Variants in BSPRY observed in about 807,000 individuals in gnomAD.
The protein encoded by BSPRY is B-box and SPRY domain containing.
In BSPRY, 33 loss-of-function variants were observed where a neutral mutation model predicts 38.0. That is an observed-to-expected ratio of 0.87 (90% CI 0.66 to 1.16). The LOEUF (loss-of-function observed/expected upper bound fraction) is 1.16. Among genes scored for constraint, BSPRY ranks in the 50% most tolerant of loss-of-function variants. BSPRY has a pLI of 0.00. For synonymous variants in BSPRY, 224 were observed against 228.5 expected, an observed-to-expected ratio of 0.98 and a Z score of 0.18; for missense variants, 523 against 533.2, an observed-to-expected ratio of 0.98 and a Z score of 0.19.
intron 2 of BSPRY, among the ~76,000 whole-genome samples, chr9:113,356,250 A>T (rs1206871170): frequency 1.3e-5 from 2 of 152,194 alleles, no homozygotes; most frequent in South Asian, 2.1e-4. Context: ...CATGCCTGTA[A>T]TCCCAGCACT....
Position 113,354,194 on chromosome 9 carries a change from C to T in BSPRY, c.202-46C>T, listed in dbSNP as rs189648342. 44 of 1,516,398 alleles carry T rather than the reference C, an allele frequency of 2.9e-5. No homozygotes were observed. The Admixed American group carries it at 7.0e-4, about 24-fold the overall frequency. 93.9% of individuals were successfully genotyped at this position (1,516,398 alleles called of 1,614,324 possible). The stretch of plus-strand genomic sequence containing the variant: ...AAAATCACTGGGATGGAGTGAATGG[C>T]TCAGGTACATGGACCAAGATGCCAC... On this transcript the variant is annotated intron_variant, in intron 1 of 5. Transcript: ENST00000374183.
rs200697650 is a variant in BSPRY, at chr9:113,360,576, G to A, written c.370G>A (p.Glu124Lys). 11 of 1,608,770 alleles carry A rather than the reference G, an allele frequency of 6.8e-6. No individual in the cohort carries two copies. Among genetic ancestry groups the A allele is most frequent in the African/African-American group, 4.0e-5 (3 of 74,986 alleles). The change falls in exon 3 of 6, where the codon GAG becomes AAG. Residue 124 changes from glutamate (E) to lysine (K), a missense_variant. Coordinates refer to ENST00000374183, the MANE Select transcript of BSPRY (RefSeq NM_017688.3). ...TCTGGTGAGGAGTCTTTGCGAGAGCGAGGAGCAGCGGTTACTGGAACAGGT... is the reference window on the plus strand; with the variant it reads ...TCTGGTGAGGAGTCTTTGCGAGAGCAAGGAGCAGCGGTTACTGGAACAGGT... The part of the protein sequence containing the change: ...LSLVRSLCES[E>K]EQRLLEQVHG...
At chr9:113,365,093 TTCA>T (rs1834226570) in intron 4 of BSPRY, among the ~76,000 whole-genome samples, 1 of 152,214 alleles carries the variant, frequency 6.6e-6, no homozygotes, top group Admixed American at 6.5e-5. Context: ...CTGTCTTCAG[TTCA>T]TCATATCTGG....
chr9:113,353,405 T>G (rs773838047), intron 1 of BSPRY, among the ~76,000 whole-genome samples: 1 of 150,238 alleles, frequency 6.7e-6, no homozygotes, highest in Non-Finnish European at 1.5e-5. Flanking sequence ...ATAAATAAAT[T>G]TAAAAAGAAA....
At position 113,360,765 on chromosome 9, in the gene BSPRY, C is replaced by T. The variant is rs1013379251; in HGVS notation, c.531+28C>T. 6 of 1,523,960 alleles carry T rather than the reference C, an allele frequency of 3.9e-6. No individual in the cohort carries two copies. In the African/African-American group the frequency reaches 8.3e-5, roughly 21 times the overall value. The allele number at this position is 1,523,960 out of a possible 1,614,324, so 94.4% of individuals were successfully genotyped here. On this transcript the variant is annotated intron_variant, in intron 3 of 5. Coordinates refer to ENST00000374183, the MANE Select transcript of BSPRY (RefSeq NM_017688.3). Reference sequence around the variant, plus strand: ...AAGTCAGGCAAGGGTGAGGGCATGACCAGTTGGCCAGGCTCCCCAAAAGCC... The same window carrying T: ...AAGTCAGGCAAGGGTGAGGGCATGATCAGTTGGCCAGGCTCCCCAAAAGCC...
chr9:113,366,461 C>T (rs1834254275), intron 4 of BSPRY, among the ~76,000 whole-genome samples: 1 of 152,214 alleles, frequency 6.6e-6, no homozygotes, highest in Non-Finnish European at 1.5e-5. Context: ...CTGGGCTCAA[C>T]TCTGACTGGA....
chr9:113,356,262 T>TA (rs1259572539), intron 2 of BSPRY, among the ~76,000 whole-genome samples: 5 of 152,126 alleles, frequency 3.3e-5, no homozygotes, highest in African/African-American at 1.2e-4. Context: ...CCCAGCACTT[T>TA]AGGAGGCTGA....
chr9:113,362,923 G>C (rs972132277), intron 4 of BSPRY, among the ~76,000 whole-genome samples: 3 of 152,162 alleles, frequency 2.0e-5, no homozygotes, highest in Admixed American at 2.0e-4. Context: ...AGAGCTGAGG[G>C]CCTGAGGAAG....
chr9:113,367,979 T>C (rs1293187403), intron 4 of BSPRY, among the ~76,000 whole-genome samples: 1 of 152,002 alleles, frequency 6.6e-6, no homozygotes, highest in African/African-American at 2.4e-5. Flanking sequence ...TACAGGTGCA[T>C]GCCACCACAC....
chr9:113,361,410 T>C (rs183652877), intron 3 of BSPRY, among the ~76,000 whole-genome samples: 18 of 152,354 alleles, frequency 1.2e-4, no homozygotes, highest in Non-Finnish European at 2.2e-4. Flanking sequence ...GCCTATTATA[T>C]GTGAAGCACT....
Position 113,369,849 on chromosome 9 carries a change from C to T in BSPRY, c.916C>T (p.His306Tyr). ...CAYKVGVASG[H>Y]LPRKGSGSDC... ...CTATAAGGTGGGCGTGGCTTCAGGCCACCTGCCCCGCAAGGGTTCTGGCAG... is the reference window on the plus strand; with the variant it reads ...CTATAAGGTGGGCGTGGCTTCAGGCTACCTGCCCCGCAAGGGTTCTGGCAG... Residue 306 changes from histidine to tyrosine, a missense_variant, in exon 6 of 6, where the codon CAC (histidine) becomes TAC (tyrosine). Physicochemically the swap from His to Tyr is moderately conservative, Grantham distance 83 (BLOSUM62 2). Transcript: ENST00000374183. The T allele has an allele frequency of 1.2e-6, 2 of 1,614,224 alleles. No individual in the cohort carries two copies. The highest frequency in any genetic ancestry group is 1.7e-6 in the Non-Finnish European group (2 of 1,180,024).
In BSPRY at chr9:113,369,927, C is replaced by G. The variant is rs755989896; in HGVS notation, c.994C>G (p.Gln332Glu). 1.9e-6 allele frequency: 3 copies of G among 1,614,052 alleles called. No individual in the cohort carries two copies. The Admixed American group carries it at 5.0e-5, about 27-fold the overall frequency. The change falls in exon 6 of 6, where the codon CAG becomes GAG. Residue 332 changes from glutamine (Q) to glutamate (E), a missense_variant. Transcript: ENST00000374183. The part of the protein sequence containing the change: ...AFSWVFSRYD[Q>E]EFRFSHNGQH... ...CTCCTGGGTCTTCTCTCGCTATGAT[C>G]AGGAGTTTCGTTTCTCACACAATGG... is the stretch of plus-strand genomic sequence containing the variant.
At chr9:113,368,988 A>ATT (rs35471203) in intron 5 of BSPRY, among the ~76,000 whole-genome samples, 9,307 of 145,870 alleles carry the variant, frequency 0.064, 390 homozygotes, top group Admixed American at 0.1. Context: ...TAATAGACTG[A>ATT]TTTTTTTTTT....
chr9:113,360,374 T>TA, intron 2 of BSPRY, 133 bp from the exon 3 acceptor site: 1 of 820,370 alleles, frequency 1.2e-6, no homozygotes, highest in Non-Finnish European at 1.9e-6. Context: ...TACATGCTAT[T>TA]ATTTCCATTA....
chr9:113,356,878 C>T (rs944118670), intron 2 of BSPRY, among the ~76,000 whole-genome samples: 2 of 152,042 alleles, frequency 1.3e-5, no homozygotes, highest in African/African-American at 2.4e-5. Flanking sequence ...AGCAGGCATG[C>T]TAAGTTGTTG....
Position 113,360,605 on chromosome 9 carries a change from T to C in BSPRY, c.399T>C (p.His133=), listed in dbSNP as rs1310169706. 3.1e-6 allele frequency: 5 copies of C among 1,609,042 alleles called. No homozygotes were observed. In the African/African-American group the frequency reaches 5.3e-5, roughly 17 times the overall value. Reference sequence around the variant, plus strand: ...AGCAGCGGTTACTGGAACAGGTGCATGGCGAAGAGGAGCGGGCCCACCAGA... The same window carrying C: ...AGCAGCGGTTACTGGAACAGGTGCACGGCGAAGAGGAGCGGGCCCACCAGA... The part of the protein sequence containing the change: ...SEEQRLLEQV[H]GEEERAHQSI... Residue 133 remains histidine (H), a synonymous_variant, in exon 3 of 6, where the codon CAT becomes CAC. Coordinates refer to ENST00000374183, the MANE Select transcript of BSPRY (RefSeq NM_017688.3).
intron 2 of BSPRY, among the ~76,000 whole-genome samples, chr9:113,359,418 G>A (rs1803767018): frequency 6.6e-6 from 1 of 152,234 alleles, no homozygotes; most frequent in African/African-American, 2.4e-5. Flanking sequence ...AAGGCAAACT[G>A]TGGGTCTCAG....
chr9:113,359,020 T>A (rs150340988), intron 2 of BSPRY, among the ~76,000 whole-genome samples: 2 of 146,346 alleles, frequency 1.4e-5, no homozygotes, highest in Non-Finnish European at 3.0e-5. Flanking sequence ...AGAGCAAGAC[T>A]GTGTCTCTTA....
At chr9:113,358,786 C>G (rs1834103693) in intron 2 of BSPRY, among the ~76,000 whole-genome samples, 1 of 152,166 alleles carries the variant, frequency 6.6e-6, no homozygotes, top group South Asian at 2.1e-4. Flanking sequence ...GGGTGAGGAT[C>G]TGTTTTGATC....
Sources: gnomAD v4.1 joint callset for allele counts (sites outside exome capture counted in the v4.1 genomes callset) on GRCh38, gnomAD v4.1.1 for gene constraint, MANE v1.5 for transcripts, NCBI Gene and HGNC (gene_info 2026-07-23, HGNC 2026-07-21) for gene names.